Variants in COL4A2 observed in about 807,000 individuals in gnomAD.
COL4A2 encodes the protein collagen type IV alpha 2 chain, also known as collagen alpha-2(IV) chain.
COL4A2 carries 99 observed loss-of-function variants against 200.2 expected under a neutral mutation model. That is an observed-to-expected ratio of 0.49 (90% CI 0.42 to 0.58). The LOEUF is 0.58. COL4A2 is among the 20% of genes least tolerant of loss of function. COL4A2 has a pLI of 0.00. For missense variants in COL4A2, 1,950 were observed against 2,314.1 expected (o/e 0.84, Z 3.23); for synonymous variants, 897 against 900.6 (o/e 1.00, Z 0.07).
At position 110,473,145 on chromosome 13, in the gene COL4A2, T is replaced by G. The variant is rs1305880482; in HGVS notation, c.2420T>G (p.Phe807Cys). ...GLPGDRGPPG[F>C]RGSQGMPGMP... is the part of the protein sequence containing the mutation. ...CCCGGAGACAGAGGCCCCCCTGGAT[T>G]CAGAGGTGAGTGCCCCATCGGGGAG... is the stretch of plus-strand genomic sequence containing the variant. The change falls in exon 29 of 48, where the codon TTC becomes TGC. Residue 807 changes from phenylalanine to cysteine, a missense_variant. Transcript: ENST00000360467. 13 of 1,554,454 alleles carry G rather than the reference T, an allele frequency of 8.4e-6. No individual in the cohort carries two copies. The highest frequency in any genetic ancestry group is 1.9e-5 in the Admixed American group (1 of 51,528).
chr13:110,318,278 G>A (rs898172192), intron 3 of COL4A2, among the ~76,000 whole-genome samples: 66 of 152,208 alleles, frequency 4.3e-4, no homozygotes, highest in African/African-American at 1.4e-3. Flanking sequence ...GCAAGGACAA[G>A]CAAGGAACCG....
rs2296851 is a variant in COL4A2, at chr13:110,485,908, G to A, written c.3207+72G>A. 211,813 of 1,581,824 alleles carry A rather than the reference G, an allele frequency of 0.13. 14,549 individuals are homozygous for A. Among genetic ancestry groups the A allele is most frequent in the African/African-American group, 0.16 (11,782 of 73,526 alleles). On this transcript the variant is annotated intron_variant, in intron 34 of 47. Coordinates refer to ENST00000360467, the MANE Select transcript of COL4A2 (RefSeq NM_001846.4). ...CTTTGCTTGTGAATGGACATGCTTT[G>A]GTCTGGAATTTGCTAGGGTGAGAGT...
In COL4A2 at chr13:110,448,492, T is replaced by A. The variant is rs994147655; in HGVS notation, c.1079-1187T>A. 5.9e-5 allele frequency among the ~76,000 whole-genome samples: 9 copies of A among 152,318 alleles called. 3 individuals are homozygous for A. Among genetic ancestry groups the A allele is most frequent in the Admixed American group, 5.9e-4 (9 of 15,300 alleles). On this transcript the variant is annotated intron_variant, in intron 18 of 47. Coordinates refer to ENST00000360467, the MANE Select transcript of COL4A2 (RefSeq NM_001846.4). ...TGTGACTGACTTGCATTCCAGGGTT[T>A]CTTAAAGTCAAAGGTTGACTAACCA...
chr13:110,328,682 A>C (rs1026617519), intron 3 of COL4A2: 1 of 152,200 alleles, frequency 6.6e-6, no homozygotes, highest in African/African-American at 2.4e-5. Context: ...GCTTGCCCAG[A>C]CTGCTGTGAA....
intron 4 of COL4A2, among the ~76,000 whole-genome samples, chr13:110,387,426 G>A (rs1878799617): frequency 6.6e-6 from 1 of 152,232 alleles, no homozygotes; most frequent in Non-Finnish European, 1.5e-5. Context: ...GGACATCACG[G>A]GCGCTTCCAT....
chr13:110,382,091 A>C (rs970806008), intron 4 of COL4A2, among the ~76,000 whole-genome samples: 2 of 152,212 alleles, frequency 1.3e-5, no homozygotes, highest in Non-Finnish European at 2.9e-5. Flanking sequence ...TAAGATCAGA[A>C]AATAGAAGTA....
intron 3 of COL4A2, among the ~76,000 whole-genome samples, chr13:110,344,553 G>T (rs1455166234): frequency 6.6e-6 from 1 of 152,152 alleles, no homozygotes; most frequent in East Asian, 1.9e-4. Flanking sequence ...TCCCAGCATG[G>T]TGTTTGTACC....
intron 4 of COL4A2, among the ~76,000 whole-genome samples, chr13:110,383,523 G>A (rs1878569434): frequency 6.7e-6 from 1 of 150,048 alleles, no homozygotes; most frequent in South Asian, 2.1e-4. Flanking sequence ...GTGATTTTTA[G>A]ATTGTAGGAG....
intron 4 of COL4A2, among the ~76,000 whole-genome samples, chr13:110,403,515 G>A (rs1879450715): frequency 6.6e-6 from 1 of 152,116 alleles, no homozygotes; most frequent in Non-Finnish European, 1.5e-5. Context: ...TTCTGTCTGA[G>A]ACCTCATCAG....
rs777086508 is a variant in COL4A2, at chr13:110,506,526, C to T, written c.4514C>T (p.Pro1505Leu). The T allele has an allele frequency of 1.1e-5, 18 of 1,612,994 alleles. No individual in the cohort carries two copies. Among genetic ancestry groups the T allele is most frequent in the East Asian group, 6.7e-5 (3 of 44,870 alleles). The change falls in exon 46 of 48, where the codon CCA (proline) becomes CTA (leucine). Residue 1505 changes from proline (P) to leucine (L), a missense_variant. Around this residue, in one of 2 missense-constraint regions of COL4A2, gnomAD observed 1,385 missense variants for 1,720.5 expected, o/e 0.80. Transcript: ENST00000360467. The stretch of plus-strand genomic sequence containing the variant: ...CAGACGGACCAGGAGCCCATGTGCC[C>T]AGTGGGCATGAACAAACTCTGGAGT... ...HSQTDQEPMCPVGMNKLWSGY... is the reference protein window; with the variant it reads ...HSQTDQEPMCLVGMNKLWSGY...
intron 3 of COL4A2, among the ~76,000 whole-genome samples, chr13:110,356,354 A>T (rs901149778): frequency 2.6e-5 from 4 of 152,174 alleles, no homozygotes; most frequent in East Asian, 3.9e-4. Flanking sequence ...AAGAAAGTGG[A>T]CTTCCTCTGC....
At chr13:110,381,889 G>T (rs944019567) in intron 4 of COL4A2, among the ~76,000 whole-genome samples, 2 of 152,170 alleles carry the variant, frequency 1.3e-5, no homozygotes, top group Admixed American at 1.3e-4. Context: ...CCCATACTGA[G>T]ATTTTATGCT....
At position 110,467,190 on chromosome 13, in the gene COL4A2, A is replaced by G. The variant is rs77528809; in HGVS notation, c.2095+94A>G. 3 of 1,509,708 alleles carry G rather than the reference A, an allele frequency of 2.0e-6. No individual in the cohort carries two copies. The Admixed American group carries it at 5.5e-5, about 27-fold the overall frequency. The allele number at this position is 1,509,708 out of a possible 1,614,324, so 93.5% of individuals were successfully genotyped here. A position where few individuals can be genotyped will look rare whatever the true frequency, so the allele number is the denominator to read the frequency against. ...CCGCCCATCTTTCCTCTGGTCCTGC[A>G]TCCCCCACCCCAGACATGGTCGTGT... On this transcript the variant is annotated intron_variant, in intron 27 of 47. Transcript: ENST00000360467.
chr13:110,375,285 A>G (rs1019358233), intron 4 of COL4A2, among the ~76,000 whole-genome samples: 13 of 152,220 alleles, frequency 8.5e-5, no homozygotes, highest in African/African-American at 3.1e-4. Context: ...TACTGCCTCC[A>G]GCAGCTCCAA....
chr13:110,462,512 T>C, intron 24 of COL4A2, 128 bp downstream of exon 24: 1 of 788,842 alleles, frequency 1.3e-6, no homozygotes, highest in South Asian at 1.8e-5. Context: ...GGCTGCTCAT[T>C]CTGCTCATTC....
At position 110,436,122 on chromosome 13, in the gene COL4A2, G is replaced by A. The variant is rs755473206; in HGVS notation, c.727-147G>A. 6.9e-6 allele frequency: 8 copies of A among 1,160,292 alleles called. No homozygotes were observed. The African/African-American group carries it at 9.4e-5, about 14-fold the overall frequency. 71.9% of individuals were successfully genotyped at this position (1,160,292 alleles called of 1,614,324 possible). A position where few individuals can be genotyped will look rare whatever the true frequency, so the allele number is the denominator to read the frequency against. On this transcript the variant is annotated intron_variant, in intron 12 of 47. Transcript: ENST00000360467. ...ACTTACATTAGGATTACTCTATTTT[G>A]TGGTTATTATACTGTAAATAGGTAT...
intron 3 of COL4A2, among the ~76,000 whole-genome samples, chr13:110,309,476 G>GCGCA (rs1325540982): frequency 1.3e-5 from 2 of 152,192 alleles, no homozygotes; most frequent in Non-Finnish European, 2.9e-5. Context: ...ATGCATGCAC[G>GCGCA]CGCACGCACG....
chr13:110,429,753 C>T, intron 7 of COL4A2, 132 bp from the exon 8 acceptor site: 1 of 776,008 alleles, frequency 1.3e-6, no homozygotes, highest in South Asian at 1.6e-5. Context: ...AGAATAACCC[C>T]CATCAGCCAT....
rs369814411 is a variant in COL4A2, at chr13:110,436,325, C to G, written c.783C>G (p.Ile261Met). ...NGIPSDTLHPIIAPTGVTFHP... is the reference protein window; with the variant it reads ...NGIPSDTLHPMIAPTGVTFHP... ...TTCCATCAGACACCCTCCACCCCATCATCGCGCCCACAGGAGTCACCTTCC... is the reference window on the plus strand; with the variant it reads ...TTCCATCAGACACCCTCCACCCCATGATCGCGCCCACAGGAGTCACCTTCC... The change falls in exon 13 of 48, where the codon ATC becomes ATG. Residue 261 changes from isoleucine (I) to methionine (M), a missense_variant. Transcript: ENST00000360467. 6.2e-7 allele frequency: 1 copy of G among 1,614,074 alleles called. No homozygotes were observed. The highest frequency in any genetic ancestry group is 8.5e-7 in the Non-Finnish European group (1 of 1,180,028).
Sources: allele counts gnomAD v4.1 joint callset (sites outside exome capture counted in the v4.1 genomes callset), GRCh38; gene constraint gnomAD v4.1.1; regional missense constraint gnomAD v4.1.1; transcripts MANE v1.5; gene names NCBI Gene and HGNC (gene_info 2026-07-23, HGNC 2026-07-21).